Variants in ZFYVE9 observed in about 807,000 individuals in gnomAD.
The protein encoded by ZFYVE9 is zinc finger FYVE-type containing 9, also known as zinc finger FYVE domain-containing protein 9.
A neutral mutation model predicts 126.7 loss-of-function variants in ZFYVE9; 43 were observed. The observed-to-expected ratio is 0.34, with a 90% confidence interval of 0.27 to 0.44. The LOEUF is 0.44. ZFYVE9 is among the 20% of genes least tolerant of loss of function. The pLI is 1.00. For synonymous variants in ZFYVE9, 521 were observed against 597.4 expected (o/e 0.87, Z 1.87); for missense variants, 1,476 against 1,697.0 (o/e 0.87, Z 2.29).
chr1:52,233,341 A>G (rs1404990428), intron 3 of ZFYVE9, 65 bp downstream of exon 3: 4 of 1,174,376 alleles, frequency 3.4e-6, no homozygotes, highest in Non-Finnish European at 4.6e-6. Context: ...ATATAAGAGG[A>G]TGTAGTATTT....
At chr1:52,166,937 C>T (rs1644519531) in intron 1 of ZFYVE9, among the ~76,000 whole-genome samples, 1 of 152,118 alleles carries the variant, frequency 6.6e-6, no homozygotes, top group African/African-American at 2.4e-5. Context: ...TGCTTATTTA[C>T]TCTGAACAAA....
At position 52,155,360 on chromosome 1, in the gene ZFYVE9, G is replaced by C. The variant is rs556655445; in HGVS notation, c.-143+12957G>C. Among the ~76,000 whole-genome samples the C allele has an allele frequency of 2.0e-4, 30 of 149,726 alleles. 1 individual carries two copies. The East Asian group carries it at 5.9e-3, about 30-fold the overall frequency. The stretch of plus-strand genomic sequence containing the variant: ...TGCCATTCTCCTGCCTCAGCCTCCC[G>C]AGTAGCTGGGACTACAGGCGCCCAC... On this transcript the variant is annotated intron_variant, in intron 1 of 18. Transcript: ENST00000287727.
intron 1 of ZFYVE9, among the ~76,000 whole-genome samples, chr1:52,203,330 C>T (rs985986841): frequency 1.4e-4 from 22 of 151,802 alleles, no homozygotes; most frequent in Admixed American, 7.2e-4. Flanking sequence ...TACAGGCTTG[C>T]GCCACTACCG....
chr1:52,220,013 T>G (rs1645109470), intron 2 of ZFYVE9, among the ~76,000 whole-genome samples: 1 of 152,032 alleles, frequency 6.6e-6, no homozygotes. Flanking sequence ...CCTGACCTTG[T>G]GATCCACCCT....
At chr1:52,243,977 T>C (rs2124637488) in intron 4 of ZFYVE9, among the ~76,000 whole-genome samples, 1 of 152,188 alleles carries the variant, frequency 6.6e-6, no homozygotes, top group East Asian at 1.9e-4. Flanking sequence ...CAGGAAAATA[T>C]GGTCTCTTGG....
chr1:52,160,277 G>C, intron 1 of ZFYVE9: 1 of 925,026 alleles, frequency 1.1e-6, no homozygotes, highest in South Asian at 1.3e-5. Context: ...CTTTACAACA[G>C]TTCGAATGCT....
Position 52,339,987 on chromosome 1 carries a change from G to C in ZFYVE9, c.3834-139G>C, listed in dbSNP as rs1207362704. ...CATTTTTATACAGTGGCTGCTTCTTGCTATGATGTGCTGCACAGGTGTGTT... is the reference window on the plus strand; with the variant it reads ...CATTTTTATACAGTGGCTGCTTCTTCCTATGATGTGCTGCACAGGTGTGTT... On this transcript the variant is annotated intron_variant, in intron 16 of 18. Coordinates refer to ENST00000287727, the MANE Select transcript of ZFYVE9 (RefSeq NM_004799.4). 3 of 669,032 alleles carry C rather than the reference G, an allele frequency of 4.5e-6. No individual in the cohort carries two copies. In the African/African-American group the frequency reaches 5.5e-5, roughly 12 times the overall value. 41.4% of individuals were successfully genotyped at this position (669,032 alleles called of 1,614,324 possible).
intron 13 of ZFYVE9, among the ~76,000 whole-genome samples, chr1:52,330,530 T>TAG (rs1169839388): frequency 9.9e-5 from 15 of 152,188 alleles, no homozygotes; most frequent in Non-Finnish European, 1.6e-4. Context: ...TTTTAGATCA[T>TAG]ATAGGGTAAC....
chr1:52,207,852 G>A (rs1375283965), intron 1 of ZFYVE9, among the ~76,000 whole-genome samples: 1 of 152,180 alleles, frequency 6.6e-6, no homozygotes, highest in Non-Finnish European at 1.5e-5. Flanking sequence ...TTTTGATGAT[G>A]AATAATAATA....
At position 52,311,261 on chromosome 1, in the gene ZFYVE9, ATT is replaced by A. The variant is rs35243533; in HGVS notation, c.3438+7355_3438+7356del. 5.7e-3 allele frequency among the ~76,000 whole-genome samples: 581 copies of A among 102,578 alleles called. 1 individual carries two copies. Among genetic ancestry groups the A allele is most frequent in the Middle Eastern group, 0.026 (5 of 190 alleles). The allele number at this position is 102,578 out of a possible 152,430, so 67.3% of individuals were successfully genotyped here. A position where few individuals can be genotyped will look rare whatever the true frequency, so the allele number is the denominator to read the frequency against. ...TTAGAATCAAATAGACCTTGGATTG[ATT>A]TTTTTTTTTTTTTTTTTTGAGATGG... On this transcript the variant is annotated intron_variant, in intron 13 of 18. Coordinates refer to ENST00000287727, the MANE Select transcript of ZFYVE9 (RefSeq NM_004799.4).
chr1:52,322,841 A>C (rs188746393), intron 13 of ZFYVE9, among the ~76,000 whole-genome samples: 2 of 150,506 alleles, frequency 1.3e-5, no homozygotes. Flanking sequence ...GTCTCGCTCT[A>C]TCGCCCAGGC....
At chr1:52,248,974 G>C (rs148623252) in intron 4 of ZFYVE9, among the ~76,000 whole-genome samples, 3 of 152,160 alleles carry the variant, frequency 2.0e-5, no homozygotes, top group Admixed American at 2.0e-4. Context: ...CCATGTGTTG[G>C]GGGAGGGGCC....
intron 1 of ZFYVE9, among the ~76,000 whole-genome samples, chr1:52,214,975 G>C (rs775575471): frequency 3.3e-4 from 50 of 152,162 alleles, no homozygotes; most frequent in Admixed American, 5.9e-4. Flanking sequence ...ATTCAAATGA[G>C]ATTAGCTCAT....
chr1:52,237,932 A>T lies in ZFYVE9; in HGVS notation c.515A>T (p.Tyr172Phe). The change falls in exon 4 of 19, where the codon TAT becomes TTT. Residue 172 changes from tyrosine to phenylalanine, a missense_variant. Tyr to Phe is a conservative substitution (Grantham distance 22). Coordinates refer to ENST00000287727, the MANE Select transcript of ZFYVE9 (RefSeq NM_004799.4). ...LQNDLQDCNN[Y>F]NSQSLMDAFS... is the part of the protein sequence containing the mutation. ...AACGATTTACAGGATTGTAATAATT[A>T]TAATAGTCAATCCCTTATGGATGCT... 6.2e-7 allele frequency: 1 copy of T among 1,614,086 alleles called. No homozygotes were observed. Among genetic ancestry groups the T allele is most frequent in the Non-Finnish European group, 8.5e-7 (1 of 1,179,970 alleles).
At chr1:52,336,589 C>T (rs556884927) in intron 15 of ZFYVE9, among the ~76,000 whole-genome samples, 93 of 151,988 alleles carry the variant, frequency 6.1e-4, no homozygotes, top group Non-Finnish European at 1.0e-3. Context: ...GAACTCCTGA[C>T]CTCAAATGAT....
chr1:52,253,998 T>A (rs1381341617), intron 4 of ZFYVE9: 1 of 786,198 alleles, frequency 1.3e-6, no homozygotes, highest in Admixed American at 1.8e-5. Flanking sequence ...CCTTAACTGA[T>A]AATCATAGGA....
At chr1:52,270,079 C>T (rs564389477) in intron 7 of ZFYVE9, among the ~76,000 whole-genome samples, 18 of 152,212 alleles carry the variant, frequency 1.2e-4, no homozygotes, top group Admixed American at 2.6e-4. Flanking sequence ...ACAGTACACA[C>T]GCTTTTTTTT....
Position 52,196,673 on chromosome 1 carries a change from CAAT to C in ZFYVE9, c.-142-19693_-142-19691del. ...GTAAATTGGAGGTCATGATAAACAT[CAAT>C]AAAGCCTGGAAGGATTGATTATTAA... is the stretch of plus-strand genomic sequence containing the variant. On this transcript the variant is annotated intron_variant, in intron 1 of 18. Transcript: ENST00000287727. Among the ~76,000 whole-genome samples, 4 of 152,144 alleles carry C rather than the reference CAAT, an allele frequency of 2.6e-5. No individual in the cohort carries two copies. The South Asian group carries it at 8.3e-4, about 32-fold the overall frequency.
chr1:52,233,688 A>T (rs1228508518), intron 3 of ZFYVE9, among the ~76,000 whole-genome samples: 1 of 152,238 alleles, frequency 6.6e-6, no homozygotes, highest in Non-Finnish European at 1.5e-5. Context: ...CAATAAAGTA[A>T]AGATACATTT....
Sources: allele counts gnomAD v4.1 joint callset (sites outside exome capture counted in the v4.1 genomes callset), GRCh38; gene constraint gnomAD v4.1.1; transcripts MANE v1.5; gene names NCBI Gene and HGNC (gene_info 2026-07-23, HGNC 2026-07-21).